The following RGS6 variants were observed in gnomAD, a reference collection of about 807,000 sequenced individuals.
The protein encoded by RGS6 is regulator of G-protein signaling 6.
A neutral mutation model predicts 78.5 loss-of-function variants in RGS6; 30 were observed. The observed-to-expected ratio is 0.38, with a 90% confidence interval of 0.29 to 0.52. The LOEUF is 0.52. Ranked by LOEUF, RGS6 falls within the 20% of genes least tolerant of loss-of-function variation. RGS6 has a pLI of 0.85. For synonymous variants in RGS6, 206 were observed against 206.0 expected (o/e 1.00, Z 0.00); for missense variants, 495 against 609.7 (o/e 0.81, Z 1.98).
chr14:72,099,408 C>T (rs2095481196), intron 2 of RGS6, among the ~76,000 whole-genome samples: 1 of 152,140 alleles, frequency 6.6e-6, no homozygotes, highest in African/African-American at 2.4e-5. Flanking sequence ...ATCTGCCTGC[C>T]TCGGCCTCCC....
At chr14:72,069,808 G>C (rs1055018503) in intron 2 of RGS6, among the ~76,000 whole-genome samples, 2 of 152,126 alleles carry the variant, frequency 1.3e-5, no homozygotes, top group Non-Finnish European at 2.9e-5. Flanking sequence ...CCAAAGTGCT[G>C]GGATTACAGG....
At chr14:72,519,537 A>G (rs3784044) in intron 15 of RGS6, among the ~76,000 whole-genome samples, 33,207 of 152,086 alleles carry the variant, frequency 0.22, 4,915 homozygotes, top group African/African-American at 0.43. Context: ...ATCCAGAATT[A>G]CCTTGTCATT....
chr14:72,572,119 C>T, the RGS6 span, among the ~76,000 whole-genome samples: 1 of 152,166 alleles, frequency 6.6e-6, no homozygotes, highest in African/African-American at 2.4e-5. Flanking sequence ...CACTTCACAA[C>T]CACTGGGATG....
chr14:72,548,000 C>T (rs867319251), intron 17 of RGS6, among the ~76,000 whole-genome samples: 2 of 152,160 alleles, frequency 1.3e-5, no homozygotes, highest in Admixed American at 6.5e-5. Flanking sequence ...ATTCCTGCCT[C>T]CCTCCCCCTG....
chr14:72,308,484 C>A (rs1488932693), intron 2 of RGS6, among the ~76,000 whole-genome samples: 1 of 152,214 alleles, frequency 6.6e-6, no homozygotes, highest in Non-Finnish European at 1.5e-5. Flanking sequence ...TTAAATAGTC[C>A]ACTAAAAATC....
At chr14:71,893,241 G>A in the RGS6 span, among the ~76,000 whole-genome samples, 2 of 152,216 alleles carry the variant, frequency 1.3e-5, no homozygotes, top group African/African-American at 4.8e-5. Flanking sequence ...GCATTAGAGG[G>A]TTTGATCAAG....
intron 2 of RGS6, among the ~76,000 whole-genome samples, chr14:72,211,570 A>C (rs1441410561): frequency 1.3e-5 from 2 of 152,232 alleles, no homozygotes; most frequent in Non-Finnish European, 2.9e-5. Flanking sequence ...GAATAGGTTC[A>C]AAGCTTATTG....
At chr14:72,398,893 T>C (rs1186404362) in intron 3 of RGS6, among the ~76,000 whole-genome samples, 1 of 152,166 alleles carries the variant, frequency 6.6e-6, no homozygotes, top group Non-Finnish European at 1.5e-5. Context: ...GAGTTCTAGT[T>C]TGATTGCACT....
the RGS6 span, among the ~76,000 whole-genome samples, chr14:72,609,263 A>G: frequency 6.6e-6 from 1 of 152,152 alleles, no homozygotes; most frequent in African/African-American, 2.4e-5. Context: ...CTCATCAGCG[A>G]CAGGTCTCCC....
the RGS6 span, among the ~76,000 whole-genome samples, chr14:72,610,808 C>T: frequency 6.6e-6 from 1 of 152,176 alleles, no homozygotes; most frequent in Non-Finnish European, 1.5e-5. Flanking sequence ...GCTCAGGGCC[C>T]ACCACTGGCT....
intron 13 of RGS6, among the ~76,000 whole-genome samples, chr14:72,508,145 A>T (rs1294491696): frequency 6.6e-6 from 1 of 151,956 alleles, no homozygotes. Flanking sequence ...CCATGACCCT[A>T]TTGGACTATG....
chr14:71,999,216 C>T (rs1249065731), intron 2 of RGS6, among the ~76,000 whole-genome samples: 2 of 152,184 alleles, frequency 1.3e-5, no homozygotes, highest in Non-Finnish European at 2.9e-5. Context: ...AACCGGAGAG[C>T]GTCAGTCGAA....
chr14:71,932,022 C>T (rs1187035382), upstream of RGS6, among the ~76,000 whole-genome samples: 1 of 152,242 alleles, frequency 6.6e-6, no homozygotes, highest in African/African-American at 2.4e-5. Context: ...TCAGAAGCCG[C>T]CGGGCACCTC....
intron 3 of RGS6, among the ~76,000 whole-genome samples, chr14:72,380,218 T>C (rs1479050444): frequency 6.6e-6 from 1 of 151,932 alleles, no homozygotes; most frequent in Non-Finnish European, 1.5e-5. Flanking sequence ...ATAAAACTAG[T>C]ACAAGAAAAC....
intron 2 of RGS6, among the ~76,000 whole-genome samples, chr14:72,100,100 G>A (rs1002365050): frequency 5.3e-5 from 8 of 152,120 alleles, no homozygotes; most frequent in African/African-American, 1.4e-4. Flanking sequence ...CTAAAGGGAC[G>A]GTGAAGAGAG....
chr14:72,373,448 A>G (rs2083936422), intron 3 of RGS6, among the ~76,000 whole-genome samples: 1 of 152,216 alleles, frequency 6.6e-6, no homozygotes, highest in Non-Finnish European at 1.5e-5. Context: ...GAGGCCTTAA[A>G]ATAGAAAGTG....
At chr14:72,416,698 T>G (rs1178965808) in intron 3 of RGS6, among the ~76,000 whole-genome samples, 2 of 152,170 alleles carry the variant, frequency 1.3e-5, no homozygotes, top group African/African-American at 4.8e-5. Flanking sequence ...AACAAGGAAA[T>G]GATCCTCTGA....
chr14:72,468,059 T>C (rs1306310378), intron 7 of RGS6, among the ~76,000 whole-genome samples: 1 of 152,202 alleles, frequency 6.6e-6, no homozygotes, highest in East Asian at 1.9e-4. Flanking sequence ...ATTCAATTTC[T>C]CTTCTCTTGT....
chr14:72,458,408 C>A (rs374592987), intron 5 of RGS6, 31 bp downstream of exon 5: 5 of 1,482,064 alleles, frequency 3.4e-6, no homozygotes, highest in Non-Finnish European at 4.7e-6. Context: ...TCCTGAAGAA[C>A]CTTTTCTTCA....
Sources: gnomAD v4.1 joint callset for allele counts (sites outside exome capture counted in the v4.1 genomes callset) on GRCh38, gnomAD v4.1.1 for gene constraint, MANE v1.5 for transcripts, NCBI Gene and HGNC (gene_info 2026-07-23, HGNC 2026-07-21) for gene names.